Variants in TUB observed in about 807,000 individuals in gnomAD.
The protein encoded by TUB is TUB bipartite transcription factor, also known as tubby protein homolog.
A neutral mutation model predicts 59.7 loss-of-function variants in TUB; 33 were observed. The observed-to-expected ratio is 0.55, with a 90% confidence interval of 0.42 to 0.74. TUB has a LOEUF of 0.74. TUB is among the 30% of genes least tolerant of loss of function. TUB has a pLI of 0.00. For synonymous variants in TUB, 293 were observed against 256.4 expected, an observed-to-expected ratio of 1.14 and a Z score of -1.36; for missense variants, 659 against 672.0, an observed-to-expected ratio of 0.98 and a Z score of 0.21.
chr11:8,032,956 G>A (rs184880645), intron 1 of TUB, among the ~76,000 whole-genome samples: 14 of 152,280 alleles, frequency 9.2e-5, no homozygotes, highest in Admixed American at 2.6e-4. Flanking sequence ...TTTGTCACCC[G>A]AGAGACTAAG....
upstream of TUB, among the ~76,000 whole-genome samples, chr11:8,036,402 C>T (rs1466744379): frequency 6.6e-6 from 1 of 152,224 alleles, no homozygotes; most frequent in Non-Finnish European, 1.5e-5. Flanking sequence ...TTAAATTCCC[C>T]TCTCTGAGTC....
intron 2 of TUB, among the ~76,000 whole-genome samples, chr11:8,050,334 A>G: frequency 6.6e-6 from 1 of 152,208 alleles, no homozygotes; most frequent in East Asian, 1.9e-4. Context: ...CTGTGTTTCC[A>G]TGAGGTGCGT....
rs1944558019 is a variant in TUB, at chr11:8,105,771, TCTCCTCTC to T, written c.*4160_*4167del. 2 of 152,112 alleles carry T rather than the reference TCTCCTCTC, an allele frequency of 1.3e-5. No homozygotes were observed. Among genetic ancestry groups the T allele is most frequent in the South Asian group, 4.2e-4 (2 of 4,802 alleles). 9.4% of individuals were successfully genotyped at this position (152,112 alleles called of 1,614,324 possible). A position where few individuals can be genotyped will look rare whatever the true frequency, so the allele number is the denominator to read the frequency against. Reference sequence around the variant, plus strand: ...TTTCCTAAGAAAGACATCACATCCCTCTCCTCTCCTCCTCTGTGCTCCTGTCCCTCCCT... The same window carrying T: ...TTTCCTAAGAAAGACATCACATCCCTCTCCTCTGTGCTCCTGTCCCTCCCT... On this transcript the variant is annotated 3_prime_UTR_variant, in exon 12 of 12. Coordinates refer to ENST00000299506, the MANE Select transcript of TUB (RefSeq NM_177972.3).
At chr11:8,076,952 C>T (rs1943460795), upstream of TUB, 1 of 152,124 alleles carries the variant, frequency 6.6e-6, no homozygotes, top group African/African-American at 2.4e-5. Flanking sequence ...AACAGTGGTG[C>T]AATGGTCTTT....
In TUB at chr11:8,096,816, T is replaced by A. The variant is rs774424618; in HGVS notation, c.687+10T>A. On this transcript the variant is annotated intron_variant, in intron 6 of 11. Transcript: ENST00000299506. ...CAGGAAGTCCGTCAGGGTGAGTGAG[T>A]GAGTCTGCATCCACAGCAGTTTTTG... is the stretch of plus-strand genomic sequence containing the variant. 6.2e-7 allele frequency: 1 copy of A among 1,614,026 alleles called. No homozygotes were observed. Among genetic ancestry groups the A allele is most frequent in the South Asian group, 1.1e-5 (1 of 91,078 alleles).
chr11:8,081,014 A>C (rs1337503123), upstream of TUB, among the ~76,000 whole-genome samples: 1 of 152,168 alleles, frequency 6.6e-6, no homozygotes, highest in Non-Finnish European at 1.5e-5. Flanking sequence ...AGGCCTGGGG[A>C]CTGGCCCGGC....
chr11:8,081,574 C>T (rs752627353), intron 1 of TUB, 26 bp downstream of exon 1: 8 of 1,521,228 alleles, frequency 5.3e-6, no homozygotes, highest in Admixed American at 2.0e-5. Flanking sequence ...GCCGGGGCGC[C>T]CACCACTCCC....
chr11:8,094,431 C>T (rs1405192391), intron 4 of TUB, among the ~76,000 whole-genome samples: 2 of 152,130 alleles, frequency 1.3e-5, no homozygotes, highest in African/African-American at 4.8e-5. Flanking sequence ...TCCTGCTCAG[C>T]TGTGGCCCAG....
intron 1 of TUB, among the ~76,000 whole-genome samples, chr11:8,085,189 A>G (rs1030157787): frequency 6.6e-6 from 1 of 152,182 alleles, no homozygotes; most frequent in African/African-American, 2.4e-5. Context: ...GTTGTTCTTT[A>G]GAGATCACCA....
Position 8,104,385 on chromosome 11 carries a change from T to G in TUB, c.*2766T>G, listed in dbSNP as rs1026941381. 1 of 152,330 alleles carries G rather than the reference T, an allele frequency of 6.6e-6. No homozygotes were observed. The highest frequency in any genetic ancestry group is 2.4e-5 in the African/African-American group (1 of 41,450). The allele number at this position is 152,330 out of a possible 1,614,324, so 9.4% of individuals were successfully genotyped here. A position where few individuals can be genotyped will look rare whatever the true frequency, so the allele number is the denominator to read the frequency against. ...CCCCAACTCTTCTCCAAGTCTAGCT[T>G]TCCTTTCCTTCTGGCTCCAAGGTGC... On this transcript the variant is annotated 3_prime_UTR_variant, in exon 12 of 12. Transcript: ENST00000299506.
intron 1 of TUB, among the ~76,000 whole-genome samples, chr11:8,024,287 A>G (rs1466832538): frequency 6.6e-6 from 1 of 152,156 alleles, no homozygotes; most frequent in Admixed American, 6.5e-5. Flanking sequence ...TAACACTAGA[A>G]TCCTACAACA....
chr11:8,039,001 C>A, exon 1 of TUB: 1 of 1,613,720 alleles, frequency 6.2e-7, no homozygotes, highest in South Asian at 1.1e-5. Context: ...AAACCTGGGC[C>A]CCTGAAACGG....
upstream of TUB, among the ~76,000 whole-genome samples, chr11:8,078,726 T>A (rs1196533838): frequency 6.6e-6 from 1 of 151,962 alleles, no homozygotes; most frequent in Non-Finnish European, 1.5e-5. Flanking sequence ...CATACACACA[T>A]TGCTGCGTAC....
At chr11:8,080,677 C>A (rs1172855333), upstream of TUB, among the ~76,000 whole-genome samples, 1 of 152,194 alleles carries the variant, frequency 6.6e-6, no homozygotes, top group Non-Finnish European at 1.5e-5. Context: ...CGTAAATGTT[C>A]CCCTTCCCTT....
exon 1 of TUB, chr11:8,038,753 G>T: frequency 6.6e-7 from 1 of 1,507,896 alleles, no homozygotes; most frequent in Non-Finnish European, 8.8e-7. Context: ...GTGATGAAGG[G>T]AGACATCCAA....
At chr11:8,042,988 G>A (rs1419459423) in intron 2 of TUB, among the ~76,000 whole-genome samples, 3 of 151,970 alleles carry the variant, frequency 2.0e-5, no homozygotes, top group African/African-American at 7.2e-5. Flanking sequence ...TGTGCTTTTG[G>A]TGTCACATGT....
At chr11:8,020,334 T>C (rs750203634) in intron 1 of TUB, among the ~76,000 whole-genome samples, 2 of 152,218 alleles carry the variant, frequency 1.3e-5, no homozygotes, top group Admixed American at 6.5e-5. Flanking sequence ...TCCTGCTTCC[T>C]GTGCTCTCCT....
chr11:8,048,863 T>G (rs1942881165), intron 2 of TUB, among the ~76,000 whole-genome samples: 1 of 152,232 alleles, frequency 6.6e-6, no homozygotes, highest in African/African-American at 2.4e-5. Context: ...TTAAGTATAA[T>G]ATTACATATA....
exon 1 of TUB, chr11:8,039,005 G>A (rs1942695009): frequency 6.2e-7 from 1 of 1,613,670 alleles, no homozygotes; most frequent in African/African-American, 1.3e-5. Context: ...CTGGGCCCCT[G>A]AAACGGGGCC....
Sources: allele counts gnomAD v4.1 joint callset (sites outside exome capture counted in the v4.1 genomes callset), GRCh38; gene constraint gnomAD v4.1.1; transcripts MANE v1.5; gene names NCBI Gene and HGNC (gene_info 2026-07-23, HGNC 2026-07-21).